The following GNG2 variants were observed in gnomAD, a reference collection of about 807,000 sequenced individuals.
GNG2 encodes guanine nucleotide-binding protein G(I)/G(S)/G(O) subunit gamma-2.
Under a neutral mutation model 5.5 loss-of-function variants are expected in GNG2, and 5 were observed. The ratio of observed to expected loss-of-function variants is 0.91; its 90% confidence interval spans 0.48 to 1.92. The LOEUF (loss-of-function observed/expected upper bound fraction) is 1.92. Ranked by LOEUF, GNG2 falls within the 30% of genes most tolerant of loss-of-function variation. The pLI, the probability that GNG2 is intolerant of heterozygous loss-of-function variation, is 0.01. For missense variants in GNG2, 55 were observed against 88.4 expected, an observed-to-expected ratio of 0.62 and a Z score of 1.52; for synonymous variants, 28 against 32.0, an observed-to-expected ratio of 0.88 and a Z score of 0.42.
intron 2 of GNG2, among the ~76,000 whole-genome samples, chr14:51,907,076 A>G (rs528560523): frequency 2.0e-4 from 30 of 151,978 alleles, no homozygotes; most frequent in African/African-American, 7.0e-4. Context: ...TTTTACAGGG[A>G]CTCCGTGACT....
intron 2 of GNG2, among the ~76,000 whole-genome samples, chr14:51,830,611 G>T (rs1364394912): frequency 6.6e-6 from 1 of 152,132 alleles, no homozygotes; most frequent in South Asian, 2.1e-4. Context: ...CTTTTCACTT[G>T]CAGACTCTAC....
intron 2 of GNG2, among the ~76,000 whole-genome samples, chr14:51,848,480 G>A (rs1171051909): frequency 6.6e-6 from 1 of 152,106 alleles, no homozygotes; most frequent in Non-Finnish European, 1.5e-5. Context: ...CCTCCTTGAT[G>A]CTTCTGAACA....
At chr14:51,955,031 C>G (rs1457590440) in intron 3 of GNG2, among the ~76,000 whole-genome samples, 2 of 152,098 alleles carry the variant, frequency 1.3e-5, no homozygotes, top group East Asian at 1.9e-4. Flanking sequence ...TGGAAAGATG[C>G]TCTTTGGCAG....
chr14:51,854,532 TAG>T (rs1882059801), intron 2 of GNG2, among the ~76,000 whole-genome samples: 1 of 151,552 alleles, frequency 6.6e-6, no homozygotes, highest in Admixed American at 6.6e-5. Flanking sequence ...ATTTTTTAGG[TAG>T]AGTCTTGCTT....
At chr14:51,915,245 G>A (rs1886544919) in intron 2 of GNG2, among the ~76,000 whole-genome samples, 1 of 152,126 alleles carries the variant, frequency 6.6e-6, no homozygotes, top group Non-Finnish European at 1.5e-5. Flanking sequence ...TTCTGTGAAG[G>A]GCAGTTTACT....
Position 51,920,355 on chromosome 14 carries a change from TATA to T in GNG2, c.-29-30289_-29-30287del, listed in dbSNP as rs1258082065. ...AGATTATTTATAATACCTAATACAA[TATA>T]ATAATTATAATAATTATAATACCTA... On this transcript the variant is annotated intron_variant, in intron 2 of 3. Transcript: ENST00000556766. Among the ~76,000 whole-genome samples the T allele has an allele frequency of 3.3e-5, 5 of 150,434 alleles. No individual in the cohort carries two copies. The East Asian group carries it at 9.7e-4, about 29-fold the overall frequency.
chr14:51,966,839 C>T lies in GNG2; in HGVS notation c.*152C>T. 2 of 624,952 alleles carry T rather than the reference C, an allele frequency of 3.2e-6. No individual in the cohort carries two copies. The highest frequency in any genetic ancestry group is 5.6e-6 in the Non-Finnish European group (2 of 359,894). The allele number at this position is 624,952 out of a possible 1,614,324, so 38.7% of individuals were successfully genotyped here. On this transcript the variant is annotated 3_prime_UTR_variant, in exon 4 of 4. Coordinates refer to ENST00000556766, the MANE Select transcript of GNG2 (RefSeq NM_053064.5). ...GGCTATGCATGTTTAAAGATCTGGT[C>T]CCCTTTATGAGAATGCAAGCCGATC...
At chr14:51,855,247 G>A (rs551385315) in intron 2 of GNG2, among the ~76,000 whole-genome samples, 1 of 152,206 alleles carries the variant, frequency 6.6e-6, no homozygotes, top group East Asian at 1.9e-4. Context: ...GAAAGAGTTG[G>A]CTATCACTCT....
At chr14:51,945,006 G>A (rs1888557954) in intron 2 of GNG2, among the ~76,000 whole-genome samples, 1 of 151,890 alleles carries the variant, frequency 6.6e-6, no homozygotes, top group African/African-American at 2.4e-5. Context: ...AAATATGAAT[G>A]GCCAATAAAC....
At chr14:51,915,542 G>A (rs1043477632) in intron 2 of GNG2, among the ~76,000 whole-genome samples, 3 of 152,146 alleles carry the variant, frequency 2.0e-5, no homozygotes, top group Non-Finnish European at 2.9e-5. Context: ...TTAGGGAGGG[G>A]AAATGGGTAA....
At chr14:51,937,759 T>C (rs1888097865) in intron 2 of GNG2, among the ~76,000 whole-genome samples, 1 of 152,082 alleles carries the variant, frequency 6.6e-6, no homozygotes, top group Non-Finnish European at 1.5e-5. Context: ...TTTTAAAAAG[T>C]GAATTGGGAA....
At chr14:51,957,338 C>T (rs531634069) in intron 3 of GNG2, among the ~76,000 whole-genome samples, 7 of 152,242 alleles carry the variant, frequency 4.6e-5, no homozygotes, top group South Asian at 2.1e-4. Context: ...CTTCTAGCAA[C>T]GGCCTCAATT....
intron 2 of GNG2, among the ~76,000 whole-genome samples, chr14:51,936,455 A>T (rs1888009837): frequency 1.3e-5 from 2 of 152,092 alleles, no homozygotes; most frequent in Admixed American, 1.3e-4. Flanking sequence ...AGCTTCTGCA[A>T]TCATGGTAGC....
chr14:51,944,932 C>T (rs1310386706), intron 2 of GNG2, among the ~76,000 whole-genome samples: 1 of 152,014 alleles, frequency 6.6e-6, no homozygotes, highest in Admixed American at 6.6e-5. Flanking sequence ...TAAAACTCAA[C>T]AACAATAACA....
chr14:51,923,449 A>G (rs1010383931), intron 2 of GNG2, among the ~76,000 whole-genome samples: 8 of 152,088 alleles, frequency 5.3e-5, no homozygotes, highest in African/African-American at 1.9e-4. Context: ...ACAAATATAT[A>G]TATATATACA....
chr14:51,859,662 A>G (rs1882332879), upstream of GNG2, among the ~76,000 whole-genome samples: 1 of 152,214 alleles, frequency 6.6e-6, no homozygotes, highest in Non-Finnish European at 1.5e-5. Flanking sequence ...AATTTGCCCA[A>G]GTTCATACAG....
chr14:51,882,108 T>C (rs1459495335), intron 2 of GNG2, among the ~76,000 whole-genome samples: 2 of 152,192 alleles, frequency 1.3e-5, no homozygotes, highest in Non-Finnish European at 2.9e-5. Flanking sequence ...AGAGAGTAAA[T>C]GTAAATAAGG....
At chr14:51,881,612 G>C (rs1214746482) in intron 2 of GNG2, among the ~76,000 whole-genome samples, 1 of 151,276 alleles carries the variant, frequency 6.6e-6, no homozygotes, top group African/African-American at 2.4e-5. Context: ...TAAATCATTA[G>C]GACTAAGCAA....
intron 2 of GNG2, among the ~76,000 whole-genome samples, chr14:51,880,256 T>C (rs1369427547): frequency 6.6e-6 from 1 of 152,226 alleles, no homozygotes; most frequent in Non-Finnish European, 1.5e-5. Context: ...TACAAGGTCT[T>C]GAACAGAACC....
Sources: allele counts gnomAD v4.1 joint callset (sites outside exome capture counted in the v4.1 genomes callset), GRCh38; gene constraint gnomAD v4.1.1; transcripts MANE v1.5; gene names NCBI Gene and HGNC (gene_info 2026-07-23, HGNC 2026-07-21).